The following TMEM132D variants were observed in gnomAD, a reference collection of about 807,000 sequenced individuals.
The protein encoded by TMEM132D is mature OL transmembrane protein.
A neutral mutation model predicts 62.3 loss-of-function variants in TMEM132D; 21 were observed. The ratio of observed to expected loss-of-function variants is 0.34; its 90% CI spans 0.24 to 0.49. The LOEUF is 0.49. Ranked by LOEUF, TMEM132D falls within the 20% of genes least tolerant of loss-of-function variation. The pLI is 0.99. For missense variants in TMEM132D, 1,346 were observed against 1,402.8 expected (o/e 0.96, Z 0.65); for synonymous variants, 621 against 575.6 (o/e 1.08, Z -1.13).
chr12:129,244,543 T>C (rs1880039353), intron 4 of TMEM132D, among the ~76,000 whole-genome samples: 2 of 152,232 alleles, frequency 1.3e-5, no homozygotes, highest in South Asian at 2.1e-4. Flanking sequence ...TGCAAAGGCC[T>C]TGTGAGAGTA....
intron 5 of TMEM132D, chr12:129,111,116 T>C (rs970173920): frequency 1.3e-5 from 2 of 152,248 alleles, no homozygotes; most frequent in African/African-American, 4.8e-5. Context: ...AATCTGTGCA[T>C]AGAATGCCAT....
intron 4 of TMEM132D, among the ~76,000 whole-genome samples, chr12:129,224,031 C>T (rs1002591153): frequency 1.3e-5 from 2 of 152,130 alleles, no homozygotes; most frequent in African/African-American, 4.8e-5. Context: ...ATCCCTCATC[C>T]CCCTAGTATG....
chr12:129,606,062 CA>C (rs1030355313), intron 2 of TMEM132D, among the ~76,000 whole-genome samples: 11 of 152,220 alleles, frequency 7.2e-5, no homozygotes, highest in African/African-American at 2.6e-4. Context: ...AATCAAAAAA[CA>C]AAAATAAAAC....
At chr12:129,588,886 CA>C (rs751909407) in intron 2 of TMEM132D, among the ~76,000 whole-genome samples, 13 of 151,442 alleles carry the variant, frequency 8.6e-5, no homozygotes, top group Non-Finnish European at 1.6e-4. Context: ...AAAGTAGCAA[CA>C]AAATTACTCA....
chr12:129,503,962 GTCATCA>G (rs199820261), intron 3 of TMEM132D, among the ~76,000 whole-genome samples: 3 of 149,302 alleles, frequency 2.0e-5, no homozygotes, highest in African/African-American at 7.4e-5. Context: ...CATCACTATT[GTCATCA>G]TCATCACTAT....
intron 5 of TMEM132D, among the ~76,000 whole-genome samples, chr12:129,130,342 CG>C (rs1876339637): frequency 1.4e-5 from 2 of 147,870 alleles, no homozygotes; most frequent in African/African-American, 5.0e-5. Flanking sequence ...GAGACCCCCC[CG>C]CCCGCCACAG....
intron 5 of TMEM132D, among the ~76,000 whole-genome samples, chr12:129,148,360 T>A (rs1039061079): frequency 2.0e-5 from 3 of 152,176 alleles, no homozygotes; most frequent in African/African-American, 7.2e-5. Flanking sequence ...ATTAAGGGTT[T>A]TAAAATGGGG....
At chr12:129,625,562 C>G (rs1879191537) in intron 2 of TMEM132D, among the ~76,000 whole-genome samples, 1 of 152,158 alleles carries the variant, frequency 6.6e-6, no homozygotes, top group South Asian at 2.1e-4. Flanking sequence ...ACTTTCATTG[C>G]TCTAGGCTGA....
At chr12:129,375,162 C>A (rs1245347749) in intron 3 of TMEM132D, among the ~76,000 whole-genome samples, 1 of 152,230 alleles carries the variant, frequency 6.6e-6, no homozygotes, top group Non-Finnish European at 1.5e-5. Flanking sequence ...ACAAATTCAA[C>A]AGGAATGTGC....
chr12:129,225,310 T>A (rs748086111), intron 4 of TMEM132D, among the ~76,000 whole-genome samples: 7 of 152,048 alleles, frequency 4.6e-5, no homozygotes, highest in Non-Finnish European at 8.8e-5. Context: ...AGCCTGGGAG[T>A]GGAGACAGGC....
intron 4 of TMEM132D, among the ~76,000 whole-genome samples, chr12:129,319,337 T>C (rs1198753400): frequency 6.6e-6 from 1 of 152,060 alleles, no homozygotes; most frequent in Admixed American, 6.6e-5. Flanking sequence ...CAGCCCCAGG[T>C]AAAGTTAGAA....
chr12:129,197,069 G>T (rs912023218), intron 5 of TMEM132D, among the ~76,000 whole-genome samples: 2 of 152,144 alleles, frequency 1.3e-5, no homozygotes, highest in Non-Finnish European at 2.9e-5. Flanking sequence ...CAGCATTGCA[G>T]GCCATATGAT....
At chr12:129,693,594 C>G (rs924378544) in intron 2 of TMEM132D, among the ~76,000 whole-genome samples, 2 of 152,026 alleles carry the variant, frequency 1.3e-5, no homozygotes, top group African/African-American at 4.8e-5. Context: ...GATAGGTGGC[C>G]GAGGAAACGA....
chr12:129,784,405 T>G (rs753179698), intron 1 of TMEM132D, among the ~76,000 whole-genome samples: 24 of 151,456 alleles, frequency 1.6e-4, no homozygotes, highest in Middle Eastern at 3.4e-3. Flanking sequence ...TAAAATATTT[T>G]TTTTTCAATT....
intron 4 of TMEM132D, among the ~76,000 whole-genome samples, chr12:129,336,833 G>GA (rs1332515861): frequency 6.6e-6 from 1 of 152,210 alleles, no homozygotes; most frequent in Non-Finnish European, 1.5e-5. Context: ...TGCTCAGGGA[G>GA]AGCTGCTCAG....
At chr12:129,077,388 G>A (rs1874296964) in intron 8 of TMEM132D, among the ~76,000 whole-genome samples, 1 of 152,198 alleles carries the variant, frequency 6.6e-6, no homozygotes, top group African/African-American at 2.4e-5. Flanking sequence ...CTAATGACCT[G>A]CAACCACCAT....
At chr12:129,553,068 G>T (rs909113817) in intron 2 of TMEM132D, among the ~76,000 whole-genome samples, 66 of 152,110 alleles carry the variant, frequency 4.3e-4, no homozygotes, top group African/African-American at 1.4e-3. Context: ...AGCATCCACC[G>T]GAGCAGCTTC....
At chr12:129,854,299 G>A (rs1358857312) in intron 1 of TMEM132D, among the ~76,000 whole-genome samples, 1 of 152,162 alleles carries the variant, frequency 6.6e-6, no homozygotes, top group East Asian at 1.9e-4. Context: ...CGGCCTCTGA[G>A]GCAGGCTTGA....
chr12:129,246,329 C>T (rs1256371269), intron 4 of TMEM132D, among the ~76,000 whole-genome samples: 1 of 152,200 alleles, frequency 6.6e-6, no homozygotes, highest in Admixed American at 6.5e-5. Context: ...ATGACGCATG[C>T]TGGCCTAACA....
Sources: allele counts gnomAD v4.1 joint callset (sites outside exome capture counted in the v4.1 genomes callset), GRCh38; gene constraint gnomAD v4.1.1; transcripts MANE v1.5; gene names NCBI Gene and HGNC (gene_info 2026-07-23, HGNC 2026-07-21).